HCN2: variants seen among roughly 807,000 people sequenced by gnomAD.
HCN2 encodes hyperpolarization activated cyclic nucleotide gated potassium and sodium channel 2, also known as potassium/sodium hyperpolarization-activated cyclic nucleotide-gated channel 2.
Under a neutral mutation model 52.3 loss-of-function variants are expected in HCN2, and 20 were observed. That is an observed-to-expected ratio of 0.38 (90% confidence interval 0.27 to 0.56). The LOEUF (loss-of-function observed/expected upper bound fraction) is 0.56. Among genes scored for constraint, HCN2 ranks in the 20% least tolerant of loss-of-function variants. The pLI is 0.71. For missense variants in HCN2, 981 were observed against 1,207.7 expected, an observed-to-expected ratio of 0.81 and a Z score of 2.78; for synonymous variants, 694 against 537.0, an observed-to-expected ratio of 1.29 and a Z score of -4.04.
intron 4 of HCN2, among the ~76,000 whole-genome samples, chr19:608,707 G>A (rs1443505429): frequency 6.6e-6 from 1 of 152,044 alleles, no homozygotes; most frequent in African/African-American, 2.4e-5. Context: ...CCAGGAGGCT[G>A]GGCCCACCTG....
At chr19:613,099 G>T in intron 5 of HCN2, 149 bp from the exon 6 acceptor site, 1 of 1,061,302 alleles carries the variant, frequency 9.4e-7, no homozygotes, top group Admixed American at 2.8e-5. Flanking sequence ...CCCGTCCTTG[G>T]CGGCAGCAGC....
At chr19:610,776 C>A (rs1983598228) in intron 5 of HCN2, among the ~76,000 whole-genome samples, 1 of 152,154 alleles carries the variant, frequency 6.6e-6, no homozygotes, top group South Asian at 2.1e-4. Context: ...GTTCCGGTAG[C>A]CTGAGTGACC....
In HCN2 at chr19:613,649, A is replaced by T. The variant is rs1279458895; in HGVS notation, c.1825+161A>T. ...GATGGGGATGGGGCCGGGGATGGGGATGGGGATGGGGCCGGGGATGGGGAT... is the reference window on the plus strand; with the variant it reads ...GATGGGGATGGGGCCGGGGATGGGGTTGGGGATGGGGCCGGGGATGGGGAT... On this transcript the variant is annotated intron_variant, in intron 6 of 7. Transcript: ENST00000251287. Among the ~76,000 whole-genome samples, 24 of 8,832 alleles carry T rather than the reference A, an allele frequency of 2.7e-3. 1 individual carries two copies. The highest frequency in any genetic ancestry group is 3.6e-3 in the Non-Finnish European group (17 of 4,758). 5.8% of individuals were successfully genotyped at this position (8,832 alleles called of 152,430 possible). A position where few individuals can be genotyped will look rare whatever the true frequency, so the allele number is the denominator to read the frequency against.
intron 5 of HCN2, among the ~76,000 whole-genome samples, 177 bp from the exon 6 acceptor site, chr19:613,071 T>G (rs1568368231): frequency 6.6e-6 from 1 of 152,214 alleles, no homozygotes; most frequent in Non-Finnish European, 1.5e-5. Context: ...GAAGGGGCAC[T>G]GAGCGTTTTT....
Position 595,477 on chromosome 19 carries a change from C to T in HCN2, c.632+4900C>T, listed in dbSNP as rs376606960. 1.6e-4 allele frequency among the ~76,000 whole-genome samples: 24 copies of T among 152,146 alleles called. No homozygotes were observed. In the East Asian group the frequency reaches 2.9e-3, roughly 19 times the overall value. On this transcript the variant is annotated intron_variant, in intron 1 of 7. Transcript: ENST00000251287. ...CAGTCATGTCCCCTGGTCCCGAGGC[C>T]GCCCACCGGCCTTGAAGGGAACCCG...
chr19:610,395 C>T lies in HCN2; in HGVS notation c.1574C>T (p.Pro525Leu). ...AGCATCCTGGGCGAGCTCAACGGGC[C>T]CCTGCGGGAGGTGAGGCGGGCGCCG... ...EDSILGELNG[P>L]LREEIVNFNC... The change falls in exon 5 of 8, where the codon CCC becomes CTC. Residue 525 changes from proline (P) to leucine (L), a missense_variant. Around this residue, in one of 6 missense-constraint regions of HCN2, gnomAD observed 282 missense variants for 553.8 expected, o/e 0.51. Coordinates refer to ENST00000251287, the MANE Select transcript of HCN2 (RefSeq NM_001194.4). 1.9e-6 allele frequency: 3 copies of T among 1,613,262 alleles called. No individual in the cohort carries two copies. The highest frequency in any genetic ancestry group is 2.5e-6 in the Non-Finnish European group (3 of 1,179,584).
Position 613,229 on chromosome 19 carries a change from C to A in HCN2, c.1585-19C>A. 1 of 1,602,746 alleles carries A rather than the reference C, an allele frequency of 6.2e-7. No homozygotes were observed. The highest frequency in any genetic ancestry group is 8.5e-7 in the Non-Finnish European group (1 of 1,175,398). On this transcript the variant is annotated intron_variant, in intron 5 of 7. Coordinates refer to ENST00000251287, the MANE Select transcript of HCN2 (RefSeq NM_001194.4). ...GGAGTGGGGTCCGCAGCGGACCCAG[C>A]CCTGCCTCCCCCCTGCAGGAGATCG...
At chr19:600,106 C>T (rs1010110030) in intron 1 of HCN2, among the ~76,000 whole-genome samples, 23 of 152,166 alleles carry the variant, frequency 1.5e-4, no homozygotes, top group African/African-American at 5.1e-4. Flanking sequence ...CATGTGGGCT[C>T]AGACCCCAGT....
chr19:601,539 G>A (rs1035153131), intron 1 of HCN2, among the ~76,000 whole-genome samples: 2 of 150,468 alleles, frequency 1.3e-5, no homozygotes, highest in African/African-American at 2.5e-5. Context: ...GTCGTCGTCC[G>A]CAGTCGAGCT....
Position 616,014 on chromosome 19 carries a change from G to A in HCN2, c.2210G>A (p.Ser737Asn). The change falls in exon 8 of 8, where the codon AGC (serine) becomes AAC (asparagine). Residue 737 changes from serine to asparagine, a missense_variant. By Grantham distance (46) the Ser-to-Asn change is conservative. This residue lies in a region of HCN2 where 368 missense variants were observed against 314.8 expected (regional missense o/e 1.17). Transcript: ENST00000251287. Reference protein sequence around the residue: ...IATLQQAAAMSFCPQVARPLV... With the variant: ...IATLQQAAAMNFCPQVARPLV... ...ACGCTGCAGCAGGCGGCGGCCATGA[G>A]CTTCTGCCCGCAGGTGGCGCGGCCG... 7.0e-7 allele frequency: 1 copy of A among 1,430,524 alleles called. No individual in the cohort carries two copies. The highest frequency in any genetic ancestry group is 9.1e-7 in the Non-Finnish European group (1 of 1,098,944). 88.6% of individuals were successfully genotyped at this position (1,430,524 alleles called of 1,614,324 possible).
chr19:615,423 A>G lies in HCN2; in HGVS notation c.1991-372A>G, dbSNP rs535949000. Among the ~76,000 whole-genome samples, 22 of 152,248 alleles carry G rather than the reference A, an allele frequency of 1.4e-4. No individual in the cohort carries two copies. In the South Asian group the frequency reaches 4.4e-3, roughly 30 times the overall value. On this transcript the variant is annotated intron_variant, in intron 7 of 7. Coordinates refer to ENST00000251287, the MANE Select transcript of HCN2 (RefSeq NM_001194.4). ...CAGCTACTCGGGAGGATGAGGCAGG[A>G]GAATGGTGTGAACCCGGGAGGTGGA... is the stretch of plus-strand genomic sequence containing the variant.
At chr19:599,710 C>CCCTGGAGG (rs1474183101) in intron 1 of HCN2, among the ~76,000 whole-genome samples, 1 of 151,580 alleles carries the variant, frequency 6.6e-6, no homozygotes, top group Non-Finnish European at 1.5e-5. Context: ...ATGGTGTGAA[C>CCCTGGAGG]CCTGGAGGCG....
In HCN2 at chr19:616,328, A is replaced by C; in HGVS notation, c.2524A>C (p.Ser842Arg). Residue 842 changes from serine (S) to arginine (R), a missense_variant, in exon 8 of 8, where the codon AGC becomes CGC. Transcript: ENST00000251287. Reference protein sequence around the residue: ...PGPAASTRPASSSTPRLGPTP... With the variant: ...PGPAASTRPARSSTPRLGPTP... ...CCCCGCGGCCTCCACACGCCCGGCC[A>C]GCAGCTCCACACCGCGCTTGGGGCC... 8.5e-7 allele frequency: 1 copy of C among 1,173,544 alleles called. No individual in the cohort carries two copies. The highest frequency in any genetic ancestry group is 1.1e-6 in the Non-Finnish European group (1 of 941,274). 72.7% of individuals were successfully genotyped at this position (1,173,544 alleles called of 1,614,324 possible).
chr19:599,050 A>G (rs1341824990), intron 1 of HCN2, among the ~76,000 whole-genome samples: 1 of 152,234 alleles, frequency 6.6e-6, no homozygotes, highest in Non-Finnish European at 1.5e-5. Flanking sequence ...AACTTGTCCA[A>G]GGTCACTGTG....
At chr19:595,252 G>GC (rs759918279) in intron 1 of HCN2, among the ~76,000 whole-genome samples, 1 of 151,118 alleles carries the variant, frequency 6.6e-6, no homozygotes, top group African/African-American at 2.4e-5. Flanking sequence ...ACCTTCATCA[G>GC]CCCCCCACTC....
At chr19:611,827 T>G (rs575144850) in intron 5 of HCN2, among the ~76,000 whole-genome samples, 15 of 152,240 alleles carry the variant, frequency 9.9e-5, no homozygotes, top group African/African-American at 2.6e-4. Context: ...ATTTAGGTGT[T>G]TAGGAGTTGC....
rs1265470588 is a variant in HCN2, at chr19:616,391, C to G, written c.2587C>G (p.Arg863Gly). Residue 863 changes from arginine (R) to glycine (G), a missense_variant, in exon 8 of 8, where the codon CGC (arginine) becomes GGC (glycine). Coordinates refer to ENST00000251287, the MANE Select transcript of HCN2 (RefSeq NM_001194.4). ...CCGGGCCGCCGCGCCCAGCCCGGAC[C>G]GCAGGGACTCGGCCTCACCCGGCGC... The part of the protein sequence containing the change: ...AARAAAPSPD[R>G]RDSASPGAAG... The G allele has an allele frequency of 8.1e-7, 1 of 1,240,758 alleles. No individual in the cohort carries two copies. The highest frequency in any genetic ancestry group is 1.0e-6 in the Non-Finnish European group (1 of 985,766). The allele number at this position is 1,240,758 out of a possible 1,614,324, so 76.9% of individuals were successfully genotyped here.
chr19:602,388 TCTCTC>T (rs1355792425), intron 1 of HCN2, among the ~76,000 whole-genome samples: 4 of 96,828 alleles, frequency 4.1e-5, no homozygotes, highest in Admixed American at 3.3e-4. Context: ...CACTCCCTCC[TCTCTC>T]CTCCTGCGTG....
rs1053014302 is a variant in HCN2, at chr19:591,867, G to A, written c.632+1290G>A. Among the ~76,000 whole-genome samples the A allele has an allele frequency of 3.3e-5, 5 of 152,150 alleles. No homozygotes were observed. Among genetic ancestry groups the A allele is most frequent in the African/African-American group, 1.2e-4 (5 of 41,428 alleles). On this transcript the variant is annotated intron_variant, in intron 1 of 7. Coordinates refer to ENST00000251287, the MANE Select transcript of HCN2 (RefSeq NM_001194.4). The surrounding 1 kb of genome is among the most constrained non-coding windows in gnomAD (Gnocchi z 4.1). Reference sequence around the variant, plus strand: ...TTGACTGGAGAAACTGAGGCCTGGGGCACATGCGTCCTGGACAGAGCCTGG... The same window carrying A: ...TTGACTGGAGAAACTGAGGCCTGGGACACATGCGTCCTGGACAGAGCCTGG...
Sources: gnomAD v4.1 joint callset for allele counts (sites outside exome capture counted in the v4.1 genomes callset) on GRCh38, gnomAD v4.1.1 for gene constraint, gnomAD v4.1.1 regional missense constraint, Gnocchi (gnomAD v3.1) non-coding constraint, MANE v1.5 for transcripts, NCBI Gene and HGNC (gene_info 2026-07-23, HGNC 2026-07-21) for gene names.